ANPEP: variants seen among roughly 807,000 people sequenced by gnomAD.
ANPEP encodes alanyl aminopeptidase, membrane.
A neutral mutation model predicts 114.6 loss-of-function variants in ANPEP; 70 were observed. The ratio of observed to expected loss-of-function variants is 0.61; its 90% CI spans 0.50 to 0.75. The LOEUF (loss-of-function observed/expected upper bound fraction) is 0.75, where lower values mean the gene tolerates loss of function less well. Ranked by LOEUF, ANPEP falls within the 30% of genes least tolerant of loss-of-function variation. The pLI, the probability that ANPEP is intolerant of heterozygous loss-of-function variation, is 0.00. For synonymous variants in ANPEP, 548 were observed against 522.3 expected, an observed-to-expected ratio of 1.05 and a Z score of -0.67; for missense variants, 1,184 against 1,259.5, an observed-to-expected ratio of 0.94 and a Z score of 0.91.
chr15:89,807,751 C>T (rs1894744554), intron 1 of ANPEP, among the ~76,000 whole-genome samples: 1 of 152,160 alleles, frequency 6.6e-6, no homozygotes, highest in South Asian at 2.1e-4. Context: ...CAACAATTGC[C>T]TCTTTCTATC....
chr15:89,806,824 T>G lies in ANPEP; in HGVS notation c.-223-18A>C. The G allele has an allele frequency of 3.6e-6, 2 of 552,314 alleles. No individual in the cohort carries two copies. The highest frequency in any genetic ancestry group is 6.1e-6 in the Non-Finnish European group (2 of 327,008). The allele number at this position is 552,314 out of a possible 1,614,324, so 34.2% of individuals were successfully genotyped here. A position where few individuals can be genotyped will look rare whatever the true frequency, so the allele number is the denominator to read the frequency against. ...GGGGGTGCCTGCTGGAAGCAAACAGTGTCTGGTTACAGGCTGCAGGCGGCC... is the reference window on the plus strand; with the variant it reads ...GGGGGTGCCTGCTGGAAGCAAACAGGGTCTGGTTACAGGCTGCAGGCGGCC... On this transcript the variant is annotated intron_variant, in intron 1 of 20. Coordinates refer to ENST00000300060, the MANE Select transcript of ANPEP (RefSeq NM_001150.3). The surrounding 1 kb of genome is among the most constrained non-coding windows in gnomAD (Gnocchi z 5.7).
chr15:89,788,792 TTTA>T (rs1968560444), intron 20 of ANPEP, among the ~76,000 whole-genome samples: 1 of 150,298 alleles, frequency 6.7e-6, no homozygotes, highest in Non-Finnish European at 1.5e-5. Flanking sequence ...TATTTATTTA[TTTA>T]TTTATTTAGA....
In ANPEP at chr15:89,785,405, A is replaced by T; in HGVS notation, c.2848T>A (p.Trp950Arg). Residue 950 changes from tryptophan (W) to arginine (R), a missense_variant, in exon 21 of 21, where the codon TGG becomes AGG. Physicochemically the swap from Trp to Arg is moderately radical, Grantham distance 101 (BLOSUM62 -3). Coordinates refer to ENST00000300060, the MANE Select transcript of ANPEP (RefSeq NM_001150.3). ...ALEKTKANIK[W>R]VKENKEVVLQ... ...ACCACCTCCTTGTTCTCCTTCACCC[A>T]CTTGATGTTGGCTTTCGTCTTCTCC... 6.2e-7 allele frequency: 1 copy of T among 1,614,130 alleles called. No homozygotes were observed. Among genetic ancestry groups the T allele is most frequent in the Non-Finnish European group, 8.5e-7 (1 of 1,180,014 alleles).
At chr15:89,804,673 T>G (rs1596169191) in intron 4 of ANPEP, 56 bp from the exon 5 acceptor site, 2 of 1,591,038 alleles carry the variant, frequency 1.3e-6, no homozygotes, top group South Asian at 2.3e-5. Flanking sequence ...CTGGGGCAGG[T>G]GGGCTGGGTC....
In ANPEP at chr15:89,801,183, C is replaced by G; in HGVS notation, c.1747G>C (p.Val583Leu). The G allele has an allele frequency of 6.2e-7, 1 of 1,614,084 alleles. No individual in the cohort carries two copies. The highest frequency in any genetic ancestry group is 1.1e-5 in the South Asian group (1 of 91,072). The change falls in exon 12 of 21, where the codon GTG (valine) becomes CTG (leucine). Residue 583 changes from valine to leucine, a missense_variant. Transcript: ENST00000300060. ...ATGGATGTGATGGGCACAATCCACACGTAGCTGCAATTAAAGATCCAGAGG... is the reference window on the plus strand; with the variant it reads ...ATGGATGTGATGGGCACAATCCACAGGTAGCTGCAATTAAAGATCCAGAGG... The part of the protein sequence containing the change: ...NVTRPSEFNY[V>L]WIVPITSIRD...
At position 89,790,935 on chromosome 15, in the gene ANPEP, C is replaced by G; in HGVS notation, c.2669+18G>C. The stretch of plus-strand genomic sequence containing the variant: ...GCCTCGGCGCTCGCTGTCCCTGACA[C>G]CCATTCCACAGACTCACTCGTTAAA... On this transcript the variant is annotated intron_variant, in intron 19 of 20. Transcript: ENST00000300060. The G allele has an allele frequency of 6.2e-7, 1 of 1,612,880 alleles. No homozygotes were observed. The highest frequency in any genetic ancestry group is 8.5e-7 in the Non-Finnish European group (1 of 1,179,258).
At position 89,805,451 on chromosome 15, in the gene ANPEP, A is replaced by T. The variant is rs113547384; in HGVS notation, c.627T>A (p.Thr209=). Residue 209 remains threonine, a synonymous_variant, in exon 3 of 21, where the codon ACT becomes ACA. Coordinates refer to ENST00000300060, the MANE Select transcript of ANPEP (RefSeq NM_001150.3). ...MEGNVRKVVA[T]TQMQAADARK... is the part of the protein sequence containing the mutation. ...GGGCATCTGCAGCCTGCATCTGTGT[A>T]GTGGCCACCACCCTGCCCCAACAGG... is the stretch of plus-strand genomic sequence containing the variant. 17,043 of 1,614,014 alleles carry T rather than the reference A, an allele frequency of 0.011. 896 individuals are homozygous for T. In the African/African-American group the frequency reaches 0.14, roughly 13 times the overall value.
rs759809508 is a variant in ANPEP, at chr15:89,804,569, A to G, written c.946T>C (p.Tyr316His). ...ATGGGGCCCGTCACGTTCAGGGCAT[A>G]ATCGCCGTGGCCCGCCGCAATGGCA... ...PSAIAAGHGD[Y>H]ALNVTGPILN... Residue 316 changes from tyrosine to histidine, a missense_variant, in exon 5 of 21, where the codon TAT becomes CAT. Transcript: ENST00000300060. The G allele has an allele frequency of 2.5e-6, 4 of 1,614,022 alleles. No individual in the cohort carries two copies. In the East Asian group the frequency reaches 8.9e-5, roughly 36 times the overall value.
Position 89,801,626 on chromosome 15 carries a change from G to A in ANPEP, c.1570-19C>T, listed in dbSNP as rs372315110. 2.0e-5 allele frequency: 32 copies of A among 1,609,560 alleles called. No individual in the cohort carries two copies. The highest frequency in any genetic ancestry group is 2.5e-5 in the Non-Finnish European group (30 of 1,177,064). On this transcript the variant is annotated intron_variant, in intron 10 of 20. Transcript: ENST00000300060. ...TCACAGCCTGTGGGTGGAGCGAGAG[G>A]GCGTGGCCATCAGTGGGACCCTCCA...
rs184657527 is a variant in ANPEP at position 89,804,815 on chromosome 15, T to G, written c.898-198A>C. ...GGCTGTGGGTCCTAGAGAAGGGCCT[T>G]TGGAGAATAACAATCATCATAGCCA... On this transcript the variant is annotated intron_variant, in intron 4 of 20. Transcript: ENST00000300060. 112 of 855,520 alleles carry G rather than the reference T, an allele frequency of 1.3e-4. 1 individual carries two copies. The East Asian group carries it at 2.8e-3, about 21-fold the overall frequency. The allele number at this position is 855,520 out of a possible 1,614,324, so 53.0% of individuals were successfully genotyped here. A position where few individuals can be genotyped will look rare whatever the true frequency, so the allele number is the denominator to read the frequency against.
rs368630037 is a variant in ANPEP at position 89,805,233 on chromosome 15, G to A, written c.758-16C>T. 2.5e-6 allele frequency: 4 copies of A among 1,614,088 alleles called. No individual in the cohort carries two copies. The highest frequency in any genetic ancestry group is 2.5e-6 in the Non-Finnish European group (3 of 1,180,014). On this transcript the variant is annotated splice_polypyrimidine_tract_variant and intron_variant, in intron 3 of 20. Transcript: ENST00000300060. Reference sequence around the variant, plus strand: ...GTGCTGGGACCTGGGCAGGGAGCATGTGTGTGTGAGGACGTACCCTCCTGC... The same window carrying A: ...GTGCTGGGACCTGGGCAGGGAGCATATGTGTGTGAGGACGTACCCTCCTGC...
chr15:89,805,217 C>T lies in ANPEP; in HGVS notation c.758G>A (p.Gly253Asp), dbSNP rs1894684441. 3.1e-6 allele frequency: 5 copies of T among 1,614,058 alleles called. No homozygotes were observed. The Admixed American group carries it at 5.0e-5, about 16-fold the overall frequency. The change falls in exon 4 of 21, where the codon GGT (glycine) becomes GAT (aspartate). Residue 253 changes from glycine to aspartate, a missense_variant and splice_region_variant. Transcript: ENST00000300060. ...LTALSNMLPK[G>D]PSTPLPEDPN... is the part of the protein sequence containing the mutation. Reference sequence around the variant, plus strand: ...GTCTTCTGGAAGTGGGGTGCTGGGACCTGGGCAGGGAGCATGTGTGTGTGA... The same window carrying T: ...GTCTTCTGGAAGTGGGGTGCTGGGATCTGGGCAGGGAGCATGTGTGTGTGA...
At chr15:89,788,864 C>T (rs1968562287) in intron 20 of ANPEP, among the ~76,000 whole-genome samples, 1 of 151,990 alleles carries the variant, frequency 6.6e-6, no homozygotes, top group African/African-American at 2.4e-5. Context: ...AAGGGATCCT[C>T]CTGCGTTGGC....
At chr15:89,792,762 A>G in intron 16 of ANPEP, among the ~76,000 whole-genome samples, 200 bp from the exon 17 acceptor site, 1 of 151,612 alleles carries the variant, frequency 6.6e-6, no homozygotes, top group Non-Finnish European at 1.5e-5. Flanking sequence ...AAGGGCAGGA[A>G]CAGGCTCCAG....
chr15:89,814,002 G>A (rs988377426), intron 1 of ANPEP, among the ~76,000 whole-genome samples: 1 of 148,836 alleles, frequency 6.7e-6, no homozygotes, highest in Non-Finnish European at 1.5e-5. Flanking sequence ...GGGGGGGGGG[G>A]GTGCGTTCTG....
Position 89,806,660 on chromosome 15 carries a change from C to T in ANPEP, c.-77G>A. On this transcript the variant is annotated 5_prime_UTR_variant, in exon 2 of 21. Coordinates refer to ENST00000300060, the MANE Select transcript of ANPEP (RefSeq NM_001150.3). This position sits in a 1 kb window ranked among gnomAD's most constrained non-coding sequence, Gnocchi z 5.7. The stretch of plus-strand genomic sequence containing the variant: ...GCAGCCCCAGGCCGGGCTTATATCC[C>T]CAAAGGGGAGGAGCCCCACAACAGG... 1 of 1,461,036 alleles carries T rather than the reference C, an allele frequency of 6.8e-7. No homozygotes were observed. The highest frequency in any genetic ancestry group is 9.0e-7 in the Non-Finnish European group (1 of 1,106,852). The allele number at this position is 1,461,036 out of a possible 1,614,324, so 90.5% of individuals were successfully genotyped here.
intron 1 of ANPEP, among the ~76,000 whole-genome samples, chr15:89,811,204 T>A (rs1348496308): frequency 6.6e-6 from 1 of 152,266 alleles, no homozygotes; most frequent in Non-Finnish European, 1.5e-5. Context: ...GCTTCTGGGC[T>A]GTGCACAAAC....
intron 12 of ANPEP, among the ~76,000 whole-genome samples, chr15:89,800,356 C>G (rs1894562292): frequency 6.6e-6 from 1 of 152,106 alleles, no homozygotes. Flanking sequence ...GTCCCCATAC[C>G]TCACTAGCCC....
rs913786074 is a variant in ANPEP at position 89,799,263 on chromosome 15, G to C, written c.2006C>G (p.Ala669Gly). Residue 669 changes from alanine (A) to glycine (G), a missense_variant, in exon 14 of 21, where the codon GCC becomes GGC. Physicochemically the swap from Ala to Gly is moderately conservative, Grantham distance 60. Coordinates refer to ENST00000300060, the MANE Select transcript of ANPEP (RefSeq NM_001150.3). This position sits in a 1 kb window ranked among gnomAD's most constrained non-coding sequence, Gnocchi z 4.2. Reference protein sequence around the residue: ...AQIINDAFNLASAHKVPVTLA... With the variant: ...AQIINDAFNLGSAHKVPVTLA... ...AGCCAGGCAGCGGAGCACTCACCTGGCCAGGTTGAAGGCGTCATTAATGAT... is the reference window on the plus strand; with the variant it reads ...AGCCAGGCAGCGGAGCACTCACCTGCCCAGGTTGAAGGCGTCATTAATGAT... The C allele has an allele frequency of 6.2e-7, 1 of 1,614,154 alleles. No homozygotes were observed. Among genetic ancestry groups the C allele is most frequent in the Non-Finnish European group, 8.5e-7 (1 of 1,180,020 alleles).
Sources: gnomAD v4.1 joint callset for allele counts (sites outside exome capture counted in the v4.1 genomes callset) on GRCh38, gnomAD v4.1.1 for gene constraint, Gnocchi (gnomAD v3.1) non-coding constraint, MANE v1.5 for transcripts, NCBI Gene and HGNC (gene_info 2026-07-23, HGNC 2026-07-21) for gene names.